Variants in CLPP observed in about 807,000 individuals in gnomAD.
The protein encoded by CLPP is caseinolytic mitochondrial matrix peptidase proteolytic subunit, also known as ATP-dependent Clp protease proteolytic subunit, mitochondrial.
In CLPP, 14 loss-of-function variants were observed where a neutral mutation model predicts 27.4. The observed-to-expected ratio is 0.51, with a 90% CI of 0.34 to 0.80. The LOEUF (loss-of-function observed/expected upper bound fraction) is 0.80, where lower values mean the gene tolerates loss of function less well. Ranked by LOEUF, CLPP falls within the 30% of genes least tolerant of loss-of-function variation. The pLI is 0.02. For missense variants in CLPP, 361 were observed against 403.6 expected (o/e 0.89, Z 0.90); for synonymous variants, 193 against 166.6 (o/e 1.16, Z -1.22).
chr19:6,366,269 A>G lies in CLPP; in HGVS notation c.567A>G (p.Thr189=), dbSNP rs1449471514. ...QPSGGARGQA[T]DIAIQAEEIM... is the part of the protein sequence containing the mutation. ...TGGACGTCCCTCAGGGCCAAGCCAC[A>G]GACATTGCCATCCAGGCAGAGGAGA... is the stretch of plus-strand genomic sequence containing the variant. The change falls in exon 5 of 6, where the codon ACA becomes ACG. Residue 189 remains threonine (T), a synonymous_variant. Coordinates refer to ENST00000245816, the MANE Select transcript of CLPP (RefSeq NM_006012.4). 1 of 1,611,198 alleles carries G rather than the reference A, an allele frequency of 6.2e-7. No homozygotes were observed. Among genetic ancestry groups the G allele is most frequent in the Non-Finnish European group, 8.5e-7 (1 of 1,178,506 alleles).
At position 6,361,674 on chromosome 19, in the gene CLPP, C is replaced by T. The variant is rs776759641; in HGVS notation, c.100C>T (p.Pro34Ser). 162 of 1,442,702 alleles carry T rather than the reference C, an allele frequency of 1.1e-4. 1 individual carries two copies. In the Middle Eastern group the frequency reaches 7.0e-3, roughly 62 times the overall value. 89.4% of individuals were successfully genotyped at this position (1,442,702 alleles called of 1,614,324 possible). The change falls in exon 1 of 6, where the codon CCG becomes TCG. Residue 34 changes from proline (P) to serine (S), a missense_variant. Around this residue, in one of 2 missense-constraint regions of CLPP, gnomAD observed 148 missense variants for 122.6 expected, o/e 1.21. Coordinates refer to ENST00000245816, the MANE Select transcript of CLPP (RefSeq NM_006012.4). ...CGCTCACTTTCCAGCGCAGCGGCCG[C>T]CGCAGCGGACACTCCAGAACGGCCT... ...LAAHFPAQRP[P>S]QRTLQNGLAL... is the part of the protein sequence containing the mutation.
At chr19:6,364,359 G>T (rs1568322325) in intron 3 of CLPP, 93 bp from the exon 4 acceptor site, 1 of 1,170,662 alleles carries the variant, frequency 8.5e-7, no homozygotes. Flanking sequence ...GAGGGGGGCT[G>T]CATCTGTTCC....
chr19:6,368,394 C>T (rs2091872672), intron 5 of CLPP, 144 bp from the exon 6 acceptor site: 2 of 792,694 alleles, frequency 2.5e-6, no homozygotes, highest in East Asian at 2.7e-5. Context: ...ACCCCATCTC[C>T]AAATCCCATC....
intron 4 of CLPP, among the ~76,000 whole-genome samples, 197 bp from the exon 5 acceptor site, chr19:6,366,055 ATATACT>A (rs2091860795): frequency 6.6e-6 from 1 of 152,192 alleles, no homozygotes; most frequent in Non-Finnish European, 1.5e-5. Flanking sequence ...AGAAAATAAC[ATATACT>A]TAATCCAGTC....
intron 2 of CLPP, chr19:6,362,214 C>T: frequency 1.7e-6 from 1 of 602,080 alleles, no homozygotes; most frequent in East Asian, 2.8e-5. Flanking sequence ...GCCATTCTCA[C>T]CCCTTCCTTT....
chr19:6,366,394 C>CGTCT, intron 5 of CLPP, 31 bp downstream of exon 5: 8 of 1,520,006 alleles, frequency 5.3e-6, no homozygotes, highest in African/African-American at 1.4e-5. Context: ...CATCCTGGTC[C>CGTCT]GTGCACAGAC....
chr19:6,367,082 A>G (rs1003057531), intron 5 of CLPP, among the ~76,000 whole-genome samples: 3 of 151,600 alleles, frequency 2.0e-5, no homozygotes, highest in Non-Finnish European at 4.4e-5. Context: ...CATAGAAAAG[A>G]AAAAAAAATT....
Position 6,368,020 on chromosome 19 carries a change from C to T in CLPP, c.662-518C>T, listed in dbSNP as rs141387460. ...TGCTGGGATTACAAGTGTGAGCCAC[C>T]GTGCCTGGCCCAATAACAATTTTTT... On this transcript the variant is annotated intron_variant, in intron 5 of 5. Coordinates refer to ENST00000245816, the MANE Select transcript of CLPP (RefSeq NM_006012.4). Among the ~76,000 whole-genome samples, 1,020 of 152,156 alleles carry T rather than the reference C, an allele frequency of 6.7e-3. 46 individuals carry two copies. The highest frequency in any genetic ancestry group is 0.059 in the Admixed American group (901 of 15,272).
chr19:6,366,826 T>G (rs2091864897), intron 5 of CLPP, among the ~76,000 whole-genome samples: 1 of 151,814 alleles, frequency 6.6e-6, no homozygotes, highest in Non-Finnish European at 1.5e-5. Flanking sequence ...AGACGTGGTT[T>G]CACCATGTTG....
In CLPP at chr19:6,368,936, A is replaced by G; in HGVS notation, c.*226A>G. The G allele has an allele frequency of 1.8e-6, 1 of 567,390 alleles. No homozygotes were observed. Among genetic ancestry groups the G allele is most frequent in the Non-Finnish European group, 3.2e-6 (1 of 317,390 alleles). 35.1% of individuals were successfully genotyped at this position (567,390 alleles called of 1,614,324 possible). On this transcript the variant is annotated 3_prime_UTR_variant, in exon 6 of 6. Transcript: ENST00000245816. The stretch of plus-strand genomic sequence containing the variant: ...TCTGGGACACCCTCCCTTCTGCACC[A>G]TGACAGCGTGTACACATCTGTGTTT...
intron 1 of CLPP, 21 bp from the exon 2 acceptor site, chr19:6,361,848 C>T (rs762594556): frequency 1.9e-6 from 3 of 1,595,876 alleles, no homozygotes; most frequent in East Asian, 2.2e-5. Context: ...CGGCCCCTCA[C>T]CTCCATCTTT....
In CLPP at chr19:6,370,027, T is replaced by C. The variant is rs2091880445; in HGVS notation, c.*1317T>C. Among the ~76,000 whole-genome samples the C allele has an allele frequency of 6.6e-6, 1 of 152,070 alleles. No individual in the cohort carries two copies. The highest frequency in any genetic ancestry group is 2.4e-5 in the African/African-American group (1 of 41,420). On this transcript the variant is annotated 3_prime_UTR_variant, in exon 6 of 6. Transcript: ENST00000245816. The stretch of plus-strand genomic sequence containing the variant: ...TGATGAGAAAAAGTCAGATTCTAGC[T>C]AGGTGGGATGTGACAGAGAGCAGTT...
In CLPP at chr19:6,363,310, A is replaced by G. The variant is rs559786104; in HGVS notation, c.367+768A>G. ...GCCTGTCTAATTTTTTGTATTTCGTAGAGATGATGTTTCACCATGTTAGGC... is the reference window on the plus strand; with the variant it reads ...GCCTGTCTAATTTTTTGTATTTCGTGGAGATGATGTTTCACCATGTTAGGC... On this transcript the variant is annotated intron_variant, in intron 3 of 5. Transcript: ENST00000245816. Among the ~76,000 whole-genome samples the G allele has an allele frequency of 5.3e-5, 8 of 151,912 alleles. No individual in the cohort carries two copies. The South Asian group carries it at 1.5e-3, about 28-fold the overall frequency.
At position 6,361,632 on chromosome 19, in the gene CLPP, C is replaced by T. The variant is rs1294905993; in HGVS notation, c.58C>T (p.Leu20=). ...ARVASCRYPA[L]GPRLAAHFPA... ...GGTGGCGTCATGCAGGTACCCCGCG[C>T]TGGGGCCTCGCCTCGCCGCTCACTT... The change falls in exon 1 of 6, where the codon CTG becomes TTG. Residue 20 remains leucine (L), a synonymous_variant. Transcript: ENST00000245816. 1.4e-6 allele frequency: 2 copies of T among 1,426,804 alleles called. No homozygotes were observed. Among genetic ancestry groups the T allele is most frequent in the East Asian group, 5.6e-5 (2 of 35,448 alleles). 88.4% of individuals were successfully genotyped at this position (1,426,804 alleles called of 1,614,324 possible).
intron 2 of CLPP, 121 bp from the exon 3 acceptor site, chr19:6,362,325 C>A: frequency 1.4e-6 from 1 of 699,002 alleles, no homozygotes; most frequent in Non-Finnish European, 2.5e-6. Flanking sequence ...CTAAATTCTT[C>A]CCCATCCCTT....
At chr19:6,362,177 T>G (rs2145048506) in intron 2 of CLPP, 1 of 590,056 alleles carries the variant, frequency 1.7e-6, no homozygotes, top group South Asian at 2.0e-5. Flanking sequence ...ACCGCTCCCC[T>G]CATTCCTACG....
At position 6,361,647 on chromosome 19, in the gene CLPP, G is replaced by T; in HGVS notation, c.73G>T (p.Ala25Ser). 1 of 1,424,036 alleles carries T rather than the reference G, an allele frequency of 7.0e-7. No homozygotes were observed. 88.2% of individuals were successfully genotyped at this position (1,424,036 alleles called of 1,614,324 possible). ...CRYPALGPRL[A>S]AHFPAQRPPQ... The stretch of plus-strand genomic sequence containing the variant: ...GTACCCCGCGCTGGGGCCTCGCCTC[G>T]CCGCTCACTTTCCAGCGCAGCGGCC... Residue 25 changes from alanine (A) to serine (S), a missense_variant, in exon 1 of 6, where the codon GCC becomes TCC. Physicochemically the swap from Ala to Ser is moderately conservative, Grantham distance 99. Coordinates refer to ENST00000245816, the MANE Select transcript of CLPP (RefSeq NM_006012.4).
In CLPP at chr19:6,361,981, A is replaced by G. The variant is rs781233224; in HGVS notation, c.270+41A>G. The G allele has an allele frequency of 4.5e-6, 7 of 1,572,280 alleles. No homozygotes were observed. The South Asian group carries it at 4.5e-5, about 10-fold the overall frequency. Reference sequence around the variant, plus strand: ...CGGGACCCTCCCCAGGACTCTCCCAAGCGCCTGCCGACACTCCCTGCGCCC... The same window carrying G: ...CGGGACCCTCCCCAGGACTCTCCCAGGCGCCTGCCGACACTCCCTGCGCCC... On this transcript the variant is annotated intron_variant, in intron 2 of 5. Coordinates refer to ENST00000245816, the MANE Select transcript of CLPP (RefSeq NM_006012.4).
rs1005230013 is a variant in CLPP at position 6,361,675 on chromosome 19, C to T, written c.101C>T (p.Pro34Leu). 4.9e-6 allele frequency: 7 copies of T among 1,441,144 alleles called. No homozygotes were observed. In the African/African-American group the frequency reaches 8.9e-5, roughly 18 times the overall value. The allele number at this position is 1,441,144 out of a possible 1,614,324, so 89.3% of individuals were successfully genotyped here. ...LAAHFPAQRP[P>L]QRTLQNGLAL... Reference sequence around the variant, plus strand: ...GCTCACTTTCCAGCGCAGCGGCCGCCGCAGCGGACACTCCAGAACGGCCTG... The same window carrying T: ...GCTCACTTTCCAGCGCAGCGGCCGCTGCAGCGGACACTCCAGAACGGCCTG... Residue 34 changes from proline to leucine, a missense_variant, in exon 1 of 6, where the codon CCG becomes CTG. Transcript: ENST00000245816.
Sources: gnomAD v4.1 joint callset for allele counts (sites outside exome capture counted in the v4.1 genomes callset) on GRCh38, gnomAD v4.1.1 for gene constraint, gnomAD v4.1.1 regional missense constraint, MANE v1.5 for transcripts, NCBI Gene and HGNC (gene_info 2026-07-23, HGNC 2026-07-21) for gene names.